Variants in CIMAP1D observed in about 807,000 individuals in gnomAD.
CIMAP1D encodes protein CIMAP1D.
At chr19:486,939 A>G in the CIMAP1D span, among the ~76,000 whole-genome samples, 48 of 151,874 alleles carry the variant, frequency 3.2e-4, no homozygotes, top group Non-Finnish European at 6.8e-4. Context: ...AGAAATAGAG[A>G]TGGGGTTTCA....
the CIMAP1D span, chr19:489,862 G>A: frequency 1.7e-3 from 630 of 381,702 alleles, 2 homozygotes; most frequent in Non-Finnish European, 2.4e-3. Flanking sequence ...CCGCCGGCCT[G>A]CAGGCGAGAA....
chr19:475,304 C>T, the CIMAP1D span, among the ~76,000 whole-genome samples: 28,373 of 152,176 alleles, frequency 0.19, 5,413 homozygotes, highest in African/African-American at 0.47. Flanking sequence ...TGGGCACCTA[C>T]TGTGTACCAG....
At chr19:470,598 C>A in the CIMAP1D span, among the ~76,000 whole-genome samples, 1 of 152,148 alleles carries the variant, frequency 6.6e-6, no homozygotes, top group Non-Finnish European at 1.5e-5. Context: ...CTTCCTGAGT[C>A]CCAGTGTGGG....
At chr19:464,404 A>G in the CIMAP1D span, 6 of 1,264,930 alleles carry the variant, frequency 4.7e-6, no homozygotes, top group African/African-American at 7.4e-5. Context: ...TGATGTCCTC[A>G]CCTGCCCAGA....
chr19:475,986 ATTTTTTTTTTTTTT>A, the CIMAP1D span, among the ~76,000 whole-genome samples: 1 of 39,266 alleles, frequency 2.5e-5, no homozygotes, highest in Non-Finnish European at 3.9e-5. Flanking sequence ...CGCCTGGCTA[ATTTTTTTTTTTTTT>A]TTTTTTTTTT....
chr19:484,522 A>G, the CIMAP1D span, among the ~76,000 whole-genome samples: 1 of 152,208 alleles, frequency 6.6e-6, no homozygotes, highest in East Asian at 1.9e-4. Flanking sequence ...AGGAAACCTC[A>G]GAGCAGAGTT....
the CIMAP1D span, chr19:475,031 A>G: frequency 4.0e-3 from 1,381 of 341,668 alleles, 14 homozygotes; most frequent in African/African-American, 0.027. Flanking sequence ...GTGTCAGCAG[A>G]GTGCGTCTCC....
chr19:482,681 G>C, the CIMAP1D span, among the ~76,000 whole-genome samples: 1 of 152,092 alleles, frequency 6.6e-6, no homozygotes. Context: ...GCCACCCCAC[G>C]AGCTGTTCCA....
chr19:469,194 C>T, the CIMAP1D span, among the ~76,000 whole-genome samples: 1,383 of 151,950 alleles, frequency 9.1e-3, 24 homozygotes, highest in African/African-American at 0.031. Context: ...AAATACAGTC[C>T]CCCAGGACTG....
At chr19:464,079 G>A in the CIMAP1D span, 1 of 1,529,846 alleles carries the variant, frequency 6.5e-7, no homozygotes, top group South Asian at 1.2e-5. Context: ...GTAGGTGTTT[G>A]CGTCCGGGCT....
chr19:475,986 A>T, the CIMAP1D span, among the ~76,000 whole-genome samples: 12 of 39,266 alleles, frequency 3.1e-4, no homozygotes, highest in South Asian at 3.5e-3. Flanking sequence ...CGCCTGGCTA[A>T]TTTTTTTTTT....
At chr19:467,768 G>T in the CIMAP1D span, 21 of 1,564,058 alleles carry the variant, frequency 1.3e-5, no homozygotes, top group Middle Eastern at 4.5e-4. Flanking sequence ...TGGTGCTGGG[G>T]AGAGGAGCCC....
the CIMAP1D span, among the ~76,000 whole-genome samples, chr19:482,635 C>A: frequency 1.3e-5 from 2 of 152,176 alleles, no homozygotes; most frequent in South Asian, 4.1e-4. Context: ...ATTACTCATG[C>A]AGAACGGCTC....
At chr19:482,686 G>C in the CIMAP1D span, among the ~76,000 whole-genome samples, 1 of 152,158 alleles carries the variant, frequency 6.6e-6, no homozygotes, top group Non-Finnish European at 1.5e-5. Context: ...CCCACGAGCT[G>C]TTCCATGCCT....
At chr19:464,955 AAAGG>A in the CIMAP1D span, among the ~76,000 whole-genome samples, 5 of 117,216 alleles carry the variant, frequency 4.3e-5, no homozygotes, top group African/African-American at 1.6e-4. Flanking sequence ...TAGAAGGAAA[AAAGG>A]AAGGATTCAT....
chr19:465,253 A>ATGGG, the CIMAP1D span, among the ~76,000 whole-genome samples: 1 of 107,580 alleles, frequency 9.3e-6, no homozygotes, highest in Non-Finnish European at 2.0e-5. Flanking sequence ...GGGCGGGTGG[A>ATGGG]TGGGTGGATG....
At chr19:491,544 C>T in the CIMAP1D span, among the ~76,000 whole-genome samples, 2 of 152,010 alleles carry the variant, frequency 1.3e-5, no homozygotes, top group Non-Finnish European at 1.5e-5. Flanking sequence ...CTGGGGTGAG[C>T]CTGGAGATGC....
At chr19:465,102 A>G in the CIMAP1D span, among the ~76,000 whole-genome samples, 15 of 13,818 alleles carry the variant, frequency 1.1e-3, no homozygotes, top group South Asian at 5.7e-3. Flanking sequence ...TGGATGGGTG[A>G]GTGGGTGGAT....
the CIMAP1D span, chr19:464,069 G>T: frequency 6.4e-7 from 1 of 1,573,284 alleles, no homozygotes; most frequent in Non-Finnish European, 8.6e-7. Flanking sequence ...GGCGCTGGCG[G>T]TAGGTGTTTG....
Sources: allele counts gnomAD v4.1 joint callset (sites outside exome capture counted in the v4.1 genomes callset), GRCh38; gene constraint gnomAD v4.1.1; transcripts MANE v1.5; gene names NCBI Gene and HGNC (gene_info 2026-07-23, HGNC 2026-07-21).